Variants in SPAG9 observed in about 807,000 individuals in gnomAD.
The protein encoded by SPAG9 is sperm associated antigen 9, also known as C-Jun-amino-terminal kinase-interacting protein 4.
A neutral mutation model predicts 166.5 loss-of-function variants in SPAG9; 35 were observed. The ratio of observed to expected loss-of-function variants is 0.21; its 90% CI spans 0.16 to 0.28. The LOEUF (loss-of-function observed/expected upper bound fraction) is 0.28. Ranked by LOEUF, SPAG9 falls within the 10% of genes least tolerant of loss-of-function variation. The pLI is 1.00. For missense variants in SPAG9, 1,235 were observed against 1,603.3 expected, an observed-to-expected ratio of 0.77 and a Z score of 3.92; for synonymous variants, 534 against 565.5, an observed-to-expected ratio of 0.94 and a Z score of 0.79.
chr17:51,003,039 G>C (rs1354507351), intron 12 of SPAG9, among the ~76,000 whole-genome samples: 1 of 150,762 alleles, frequency 6.6e-6, no homozygotes, highest in Middle Eastern at 3.5e-3. Flanking sequence ...TTCAAGACCA[G>C]CCTAGGCAAC....
At chr17:50,999,369 CTAAA>C in intron 14 of SPAG9, 1 of 893,256 alleles carries the variant, frequency 1.1e-6, no homozygotes, top group Admixed American at 3.4e-5. Context: ...TTTCAAGTCT[CTAAA>C]TAATTCCCCA....
At position 51,037,687 on chromosome 17, in the gene SPAG9, T is replaced by TATA. The variant is rs1568028331; in HGVS notation, c.741+3813_741+3814insTAT. Reference sequence around the variant, plus strand: ...GTTTTATATATATATATATATATAGTGTGTGTGTGTGTGTGTGTGTGTGTG... The same window carrying TATA: ...GTTTTATATATATATATATATATAGTATAGTGTGTGTGTGTGTGTGTGTGTGTG... On this transcript the variant is annotated intron_variant, in intron 5 of 29. Transcript: ENST00000262013. Among the ~76,000 whole-genome samples, 185 of 74,154 alleles carry TATA rather than the reference T, an allele frequency of 2.5e-3. 2 individuals are homozygous for TATA. The highest frequency in any genetic ancestry group is 8.2e-3 in the African/African-American group (168 of 20,588). 48.6% of individuals were successfully genotyped at this position (74,154 alleles called of 152,430 possible).
intron 2 of SPAG9, among the ~76,000 whole-genome samples, chr17:51,072,135 G>C (rs549074564): frequency 1.6e-4 from 25 of 152,126 alleles, no homozygotes; most frequent in Non-Finnish European, 2.6e-4. Flanking sequence ...ACAGTGGCGT[G>C]ATCTTGGCTC....
At chr17:51,071,076 C>G (rs1339807479) in intron 2 of SPAG9, among the ~76,000 whole-genome samples, 1 of 152,028 alleles carries the variant, frequency 6.6e-6, no homozygotes, top group East Asian at 1.9e-4. Flanking sequence ...CTTCCTCCCC[C>G]CACTAAACTA....
In SPAG9 at chr17:50,999,653, A is replaced by G. The variant is rs1377118773; in HGVS notation, c.1664+8T>C. On this transcript the variant is annotated splice_region_variant and intron_variant, in intron 14 of 29. Coordinates refer to ENST00000262013, the MANE Select transcript of SPAG9 (RefSeq NM_001130528.3). Reference sequence around the variant, plus strand: ...TGCTGTCTAACATCTTTGTTTTTCAATACTTACAACTGCCAAATGCTTGAC... The same window carrying G: ...TGCTGTCTAACATCTTTGTTTTTCAGTACTTACAACTGCCAAATGCTTGAC... The G allele has an allele frequency of 3.1e-6, 5 of 1,609,608 alleles. No individual in the cohort carries two copies. The highest frequency in any genetic ancestry group is 4.2e-6 in the Non-Finnish European group (5 of 1,176,844).
intron 1 of SPAG9, among the ~76,000 whole-genome samples, chr17:51,096,054 G>GATATATATATATAGTGAT (rs2048638489): frequency 1.5e-5 from 2 of 135,630 alleles, no homozygotes; most frequent in Admixed American, 7.5e-5. Flanking sequence ...TATATATAGT[G>GATATATATATATAGTGAT]ATATATATAT....
chr17:51,060,101 T>G (rs1598104716), intron 2 of SPAG9, among the ~76,000 whole-genome samples: 1 of 152,164 alleles, frequency 6.6e-6, no homozygotes, highest in South Asian at 2.1e-4. Flanking sequence ...CACAGAGAAC[T>G]CTTATCTCCT....
At chr17:51,080,594 A>T (rs1360064034) in intron 1 of SPAG9, among the ~76,000 whole-genome samples, 1 of 152,148 alleles carries the variant, frequency 6.6e-6, no homozygotes, top group East Asian at 1.9e-4. Flanking sequence ...TTTAAAAAGC[A>T]TCTTAAGGCT....
chr17:51,033,858 T>A (rs548101395), intron 5 of SPAG9, among the ~76,000 whole-genome samples: 1 of 152,358 alleles, frequency 6.6e-6, no homozygotes, highest in Admixed American at 6.5e-5. Context: ...GTTTAAACAG[T>A]AAATGTAAGT....
At chr17:51,046,357 T>C in intron 4 of SPAG9, 1 of 626,328 alleles carries the variant, frequency 1.6e-6, no homozygotes, top group South Asian at 2.0e-5. Context: ...TATAAATTAC[T>C]ATAAATTAGA....
At chr17:50,999,762 T>C (rs761843932) in intron 13 of SPAG9, 45 bp from the exon 14 acceptor site, 1 of 1,528,488 alleles carries the variant, frequency 6.5e-7, no homozygotes, top group South Asian at 1.1e-5. Context: ...CAGTGAGGTA[T>C]TCTACCTTTC....
rs1253351830 is a variant in SPAG9, at chr17:50,995,116, C to T, written c.2167G>A (p.Gly723Ser). 2.5e-6 allele frequency: 4 copies of T among 1,613,924 alleles called. No individual in the cohort carries two copies. Among genetic ancestry groups the T allele is most frequent in the Non-Finnish European group, 2.5e-6 (3 of 1,179,972 alleles). The change falls in exon 18 of 30, where the codon GGC becomes AGC. Residue 723 changes from glycine to serine, a missense_variant. By Grantham distance (56) the Gly-to-Ser change is moderately conservative. Around this residue, in one of 6 missense-constraint regions of SPAG9, gnomAD observed 493 missense variants for 559.4 expected, o/e 0.88. Transcript: ENST00000262013. ...TGAGAGGCACTTCGCTGTTTACTGC[C>T]TTCTGTATCCAAACCAGCAACATCC... The part of the protein sequence containing the change: ...YKDVAGLDTE[G>S]SKQRSASQSS...
chr17:51,088,449 G>A (rs956985027), intron 1 of SPAG9, among the ~76,000 whole-genome samples: 3 of 152,090 alleles, frequency 2.0e-5, no homozygotes, highest in East Asian at 1.9e-4. Flanking sequence ...AGTGTAACAC[G>A]CTAAGTGCTA....
chr17:51,078,259 C>T (rs2048070508), intron 2 of SPAG9, among the ~76,000 whole-genome samples: 1 of 152,196 alleles, frequency 6.6e-6, no homozygotes, highest in Non-Finnish European at 1.5e-5. Flanking sequence ...CATCCATTGG[C>T]CCTCTTCTAG....
chr17:50,988,988 G>A (rs1490140655), intron 21 of SPAG9, among the ~76,000 whole-genome samples: 4 of 152,036 alleles, frequency 2.6e-5, no homozygotes, highest in Non-Finnish European at 5.9e-5. Flanking sequence ...AATTAGAGTA[G>A]GGGTGGGATT....
intron 1 of SPAG9, among the ~76,000 whole-genome samples, chr17:51,086,274 C>T (rs1392728735): frequency 6.6e-6 from 1 of 151,878 alleles, no homozygotes; most frequent in African/African-American, 2.4e-5. Context: ...GCCACCACAC[C>T]CGGCTGAAAA....
intron 3 of SPAG9, among the ~76,000 whole-genome samples, chr17:51,050,177 C>T (rs1386263369): frequency 6.6e-6 from 1 of 152,140 alleles, no homozygotes; most frequent in African/African-American, 2.4e-5. Flanking sequence ...AGTATTCTGA[C>T]ATTCCAAAAT....
intron 25 of SPAG9, among the ~76,000 whole-genome samples, chr17:50,982,078 G>T (rs1278629078): frequency 6.6e-6 from 1 of 151,982 alleles, no homozygotes; most frequent in Non-Finnish European, 1.5e-5. Flanking sequence ...AATGCTAGGA[G>T]GTTAGGAGGT....
At chr17:50,983,876 A>G (rs1302492051) in intron 24 of SPAG9, among the ~76,000 whole-genome samples, 1 of 152,072 alleles carries the variant, frequency 6.6e-6, no homozygotes, top group African/African-American at 2.4e-5. Context: ...GAGCCCTCTC[A>G]CTCTTTGATG....
Sources: allele counts gnomAD v4.1 joint callset (sites outside exome capture counted in the v4.1 genomes callset), GRCh38; gene constraint gnomAD v4.1.1; regional missense constraint gnomAD v4.1.1; transcripts MANE v1.5; gene names NCBI Gene and HGNC (gene_info 2026-07-23, HGNC 2026-07-21).